KIAA0825: variants seen among roughly 807,000 people sequenced by gnomAD.
KIAA0825 encodes uncharacterized protein KIAA0825.
Under a neutral mutation model 147.6 loss-of-function variants are expected in KIAA0825, and 119 were observed. That is an observed-to-expected ratio of 0.81 (90% CI 0.69 to 0.94). The LOEUF (loss-of-function observed/expected upper bound fraction) is 0.94, where lower values mean the gene tolerates loss of function less well. Among genes scored for constraint, KIAA0825 ranks in the 40% least tolerant of loss-of-function variants. KIAA0825 has a pLI of 0.00. For synonymous variants in KIAA0825, 470 were observed against 518.1 expected, an observed-to-expected ratio of 0.91 and a Z score of 1.26; for missense variants, 1,381 against 1,472.7, an observed-to-expected ratio of 0.94 and a Z score of 1.02.
Position 94,323,840 on chromosome 5 carries a change from C to T in KIAA0825, c.3710+60528G>A, listed in dbSNP as rs370290036. Among the ~76,000 whole-genome samples, 7 of 151,932 alleles carry T rather than the reference C, an allele frequency of 4.6e-5. No individual in the cohort carries two copies. The East Asian group carries it at 1.2e-3, about 25-fold the overall frequency. ...GAATTTATACCCTATTACCTTCAAT[C>T]ATTTTGATGCAAGTCATTCATACCA... On this transcript the variant is annotated intron_variant, in intron 20 of 20. Coordinates refer to ENST00000682413, the MANE Select transcript of KIAA0825 (RefSeq NM_001145678.3).
chr5:94,173,065 G>T (rs1167072025), intron 20 of KIAA0825, among the ~76,000 whole-genome samples: 1 of 152,022 alleles, frequency 6.6e-6, no homozygotes, highest in East Asian at 1.9e-4. Flanking sequence ...ATAATTTACA[G>T]AAAATAACTA....
At chr5:94,156,623 G>T (rs535798218) in intron 20 of KIAA0825, among the ~76,000 whole-genome samples, 369 of 152,190 alleles carry the variant, frequency 2.4e-3, no homozygotes, top group Admixed American at 5.4e-3. Flanking sequence ...TCCATGATAA[G>T]GATTTTTGAA....
At chr5:94,255,594 T>A (rs1776205610) in intron 20 of KIAA0825, among the ~76,000 whole-genome samples, 1 of 152,040 alleles carries the variant, frequency 6.6e-6, no homozygotes, top group Non-Finnish European at 1.5e-5. Flanking sequence ...ATATGGTTTT[T>A]ATTTTTTAAA....
intron 20 of KIAA0825, among the ~76,000 whole-genome samples, chr5:94,360,948 C>G (rs1744979583): frequency 6.6e-6 from 1 of 152,160 alleles, no homozygotes; most frequent in Non-Finnish European, 1.5e-5. Context: ...ATCGGGATCC[C>G]CTTCCAGTAA....
chr5:94,570,872 A>G (rs909777631), intron 2 of KIAA0825, among the ~76,000 whole-genome samples: 4 of 152,170 alleles, frequency 2.6e-5, no homozygotes, highest in Admixed American at 2.6e-4. Context: ...CACCCCATCA[A>G]TGGCCACCAT....
At chr5:94,316,025 A>G (rs1232563260) in intron 20 of KIAA0825, among the ~76,000 whole-genome samples, 2 of 151,814 alleles carry the variant, frequency 1.3e-5, no homozygotes, top group African/African-American at 4.8e-5. Flanking sequence ...GTTTGTTTGA[A>G]GGAAATGGAT....
chr5:94,374,658 T>G (rs1229208552), intron 20 of KIAA0825, among the ~76,000 whole-genome samples: 1 of 152,172 alleles, frequency 6.6e-6, no homozygotes, highest in African/African-American at 2.4e-5. Context: ...ACTTTTCTAG[T>G]GGGTGACTTT....
chr5:94,513,486 A>C (rs1413806317), intron 5 of KIAA0825, among the ~76,000 whole-genome samples: 1 of 152,188 alleles, frequency 6.6e-6, no homozygotes, highest in African/African-American at 2.4e-5. Flanking sequence ...ATAACAGTGC[A>C]GTTTGGTGTT....
intron 14 of KIAA0825, among the ~76,000 whole-genome samples, chr5:94,431,701 A>C (rs1000315223): frequency 6.6e-6 from 1 of 152,248 alleles, no homozygotes; most frequent in African/African-American, 2.4e-5. Flanking sequence ...GCTCTGTAGC[A>C]GGAAAGAACT....
chr5:94,475,837 A>G (rs1194689403), intron 7 of KIAA0825, among the ~76,000 whole-genome samples: 1 of 151,954 alleles, frequency 6.6e-6, no homozygotes, highest in African/African-American at 2.4e-5. Context: ...AAAGAAAAGA[A>G]AACTGAAAAC....
intron 16 of KIAA0825, 51 bp from the exon 17 acceptor site, chr5:94,396,560 A>G (rs1424901311): frequency 1.4e-6 from 2 of 1,403,394 alleles, no homozygotes; most frequent in East Asian, 5.0e-5. Flanking sequence ...GCGTTCAATC[A>G]CTGCATGGTT....
chr5:94,198,461 A>T (rs1363815495), intron 20 of KIAA0825, among the ~76,000 whole-genome samples: 1 of 151,418 alleles, frequency 6.6e-6, no homozygotes, highest in African/African-American at 2.4e-5. Flanking sequence ...GATTCAAAGG[A>T]GTGGTCTTCC....
intron 15 of KIAA0825, among the ~76,000 whole-genome samples, chr5:94,407,689 G>A (rs940937606): frequency 6.6e-6 from 1 of 152,132 alleles, no homozygotes; most frequent in Non-Finnish European, 1.5e-5. Context: ...AACTGGGGAG[G>A]AACTGTTAAT....
chr5:94,547,247 G>A (rs1774588007), intron 2 of KIAA0825, among the ~76,000 whole-genome samples: 1 of 152,026 alleles, frequency 6.6e-6, no homozygotes, highest in South Asian at 2.1e-4. Flanking sequence ...GCAAATCTAA[G>A]AGTTATTGGC....
Position 94,340,764 on chromosome 5 carries a change from T to A in KIAA0825, c.3710+43604A>T, listed in dbSNP as rs529117675. On this transcript the variant is annotated intron_variant, in intron 20 of 20. Coordinates refer to ENST00000682413, the MANE Select transcript of KIAA0825 (RefSeq NM_001145678.3). ...CCTGTCTAACTTGAAGTATCAAGCATAAACATCAGTTGAGCTCCTTGATGG... is the reference window on the plus strand; with the variant it reads ...CCTGTCTAACTTGAAGTATCAAGCAAAAACATCAGTTGAGCTCCTTGATGG... Among the ~76,000 whole-genome samples, 44 of 152,332 alleles carry A rather than the reference T, an allele frequency of 2.9e-4. No individual in the cohort carries two copies. The South Asian group carries it at 8.9e-3, about 31-fold the overall frequency.
chr5:94,555,770 A>C (rs1584878718), intron 2 of KIAA0825, among the ~76,000 whole-genome samples: 1 of 152,180 alleles, frequency 6.6e-6, no homozygotes, highest in East Asian at 1.9e-4. Flanking sequence ...TGAAACCAAG[A>C]TAATATAAAT....
intron 20 of KIAA0825, among the ~76,000 whole-genome samples, chr5:94,342,614 A>G (rs1327136715): frequency 6.6e-6 from 1 of 152,172 alleles, no homozygotes; most frequent in African/African-American, 2.4e-5. Flanking sequence ...AGTTGAAGTT[A>G]TAAAACAAAA....
rs556114153 is a variant in KIAA0825, at chr5:94,600,067, A to G, written c.-152-17484T>C. ...CATATAAATGGCCAATAAGTACATG[A>G]AAAAATGTTTAACATCATTAGAGAA... On this transcript the variant is annotated intron_variant, in intron 1 of 20. Transcript: ENST00000682413. Among the ~76,000 whole-genome samples, 422 of 152,312 alleles carry G rather than the reference A, an allele frequency of 2.8e-3. 1 individual carries two copies. The highest frequency in any genetic ancestry group is 4.9e-3 in the Non-Finnish European group (332 of 68,012).
intron 20 of KIAA0825, among the ~76,000 whole-genome samples, chr5:94,219,004 T>C (rs368933565): frequency 3.3e-4 from 51 of 152,300 alleles, no homozygotes; most frequent in East Asian, 1.2e-3. Context: ...GTATATTAGA[T>C]ACTCCATAAG....
Sources: gnomAD v4.1 joint callset for allele counts (sites outside exome capture counted in the v4.1 genomes callset) on GRCh38, gnomAD v4.1.1 for gene constraint, MANE v1.5 for transcripts, NCBI Gene and HGNC (gene_info 2026-07-23, HGNC 2026-07-21) for gene names.